Variants in SLA observed in about 807,000 individuals in gnomAD.
SLA encodes the protein src-like-adapter.
Under a neutral mutation model 30.3 loss-of-function variants are expected in SLA, and 16 were observed. The ratio of observed to expected loss-of-function variants is 0.53; its 90% CI spans 0.36 to 0.80. The LOEUF is 0.80. SLA is among the 30% of genes least tolerant of loss of function. The pLI is 0.01. For missense variants in SLA, 310 were observed against 345.2 expected, an observed-to-expected ratio of 0.90 and a Z score of 0.81; for synonymous variants, 143 against 137.8, an observed-to-expected ratio of 1.04 and a Z score of -0.26.
intron 8 of SLA, among the ~76,000 whole-genome samples, chr8:133,039,424 A>G (rs1837738299): frequency 6.6e-6 from 1 of 152,076 alleles, no homozygotes; most frequent in Non-Finnish European, 1.5e-5. Flanking sequence ...CATAATTTTG[A>G]TCCTGATTTT....
At chr8:133,051,347 C>A in intron 3 of SLA, among the ~76,000 whole-genome samples, 1 of 152,152 alleles carries the variant, frequency 6.6e-6, no homozygotes, top group South Asian at 2.1e-4. Context: ...GCTGTAAAAA[C>A]CCCCCTTCTC....
chr8:133,063,819 T>G (rs1433564067), intron 2 of SLA: 1 of 152,180 alleles, frequency 6.6e-6, no homozygotes, highest in Non-Finnish European at 1.5e-5. Context: ...GGAGTTAACT[T>G]ATCTGAAAGA....
intron 1 of SLA, among the ~76,000 whole-genome samples, chr8:133,085,483 A>G (rs1846379396): frequency 6.6e-6 from 1 of 152,246 alleles, no homozygotes; most frequent in South Asian, 2.1e-4. Context: ...CCAAGAAAAC[A>G]TAAAGAACAC....
At chr8:133,093,969 G>C (rs1407366483) in intron 1 of SLA, among the ~76,000 whole-genome samples, 1 of 152,202 alleles carries the variant, frequency 6.6e-6, no homozygotes, top group Non-Finnish European at 1.5e-5. Flanking sequence ...ATTTCCATCA[G>C]TGGCAGTAGC....
intron 2 of SLA, among the ~76,000 whole-genome samples, chr8:133,074,541 G>T (rs1207319929): frequency 6.6e-6 from 1 of 152,212 alleles, no homozygotes; most frequent in Admixed American, 6.5e-5. Flanking sequence ...TAGGAATTCT[G>T]ATGGCAAATC....
At chr8:133,095,102 C>A in intron 1 of SLA, 3 of 1,614,184 alleles carry the variant, frequency 1.9e-6, no homozygotes, top group Non-Finnish European at 2.5e-6. Flanking sequence ...CAGCAGCAGG[C>A]AATTGCTTTG....
chr8:133,087,061 A>G (rs1244340995), intron 1 of SLA, among the ~76,000 whole-genome samples: 2 of 146,450 alleles, frequency 1.4e-5, no homozygotes, highest in African/African-American at 5.1e-5. Flanking sequence ...AGATTTCCTG[A>G]ATATATGTTT....
At chr8:133,063,032 C>T (rs753348267) in intron 2 of SLA, among the ~76,000 whole-genome samples, 38 of 152,324 alleles carry the variant, frequency 2.5e-4, no homozygotes, top group Admixed American at 2.0e-3. Context: ...CTATCATCAC[C>T]GAGGCCTTTG....
At chr8:133,043,020 T>C (rs1457206972) in intron 7 of SLA, among the ~76,000 whole-genome samples, 1 of 151,918 alleles carries the variant, frequency 6.6e-6, no homozygotes, top group Non-Finnish European at 1.5e-5. Context: ...GTGAATCCAG[T>C]GGAGATAAAA....
chr8:133,080,826 G>A lies in SLA; in HGVS notation c.-318-5696C>T, dbSNP rs138965959. On this transcript the variant is annotated intron_variant, in intron 1 of 8. Coordinates refer to ENST00000338087, the MANE Select transcript of SLA (RefSeq NM_001045556.3). ...TGTGTGGATGCCTTTCCCCCTGCAA[G>A]GGCATGGGGCAGGTCCCTTCAGGCC... 4.6e-4 allele frequency among the ~76,000 whole-genome samples: 70 copies of A among 152,284 alleles called. 1 individual carries two copies. The highest frequency in any genetic ancestry group is 1.7e-3 in the African/African-American group (69 of 41,544).
At chr8:133,094,923 G>A (rs960626892) in intron 1 of SLA, 28 of 1,361,732 alleles carry the variant, frequency 2.1e-5, no homozygotes, top group Non-Finnish European at 2.9e-5. Flanking sequence ...CCCAGAATGG[G>A]TCCTGGGACT....
chr8:133,067,869 A>G (rs1354655960), intron 2 of SLA, among the ~76,000 whole-genome samples: 2 of 28,288 alleles, frequency 7.1e-5, no homozygotes, highest in East Asian at 2.1e-3. Flanking sequence ...AAAGAAAGAA[A>G]GGAAGGAAGG....
At chr8:133,079,411 C>A (rs1036720261) in intron 1 of SLA, among the ~76,000 whole-genome samples, 1 of 152,212 alleles carries the variant, frequency 6.6e-6, no homozygotes, top group Non-Finnish European at 1.5e-5. Context: ...GTGAAATGTT[C>A]CCCTATGTAA....
At chr8:133,100,748 C>G (rs2979020) in intron 1 of SLA, among the ~76,000 whole-genome samples, 47,896 of 152,064 alleles carry the variant, frequency 0.31, 8,197 homozygotes, top group African/African-American at 0.44. Flanking sequence ...GAAATGTACA[C>G]AAACCCAGCT....
rs137949847 is a variant in SLA at position 133,101,176 on chromosome 8, C to T, written c.-319+1377G>A. ...CTATCACCACCTTACCCCCACCATACGCAAGCATCACCTAGAGAGATCCTC... is the reference window on the plus strand; with the variant it reads ...CTATCACCACCTTACCCCCACCATATGCAAGCATCACCTAGAGAGATCCTC... On this transcript the variant is annotated intron_variant, in intron 1 of 8. Transcript: ENST00000338087. Among the ~76,000 whole-genome samples, 996 of 152,228 alleles carry T rather than the reference C, an allele frequency of 6.5e-3. 9 individuals carry two copies. The highest frequency in any genetic ancestry group is 0.022 in the African/African-American group (916 of 41,528).
At chr8:133,097,312 G>T (rs758107012) in intron 1 of SLA, among the ~76,000 whole-genome samples, 17 of 152,134 alleles carry the variant, frequency 1.1e-4, no homozygotes, top group Non-Finnish European at 2.5e-4. Context: ...AGCAATAAAA[G>T]CTCCAGTTTT....
At chr8:133,060,497 G>T (rs1351299235) in intron 2 of SLA, 1 of 811,930 alleles carries the variant, frequency 1.2e-6, no homozygotes, top group Non-Finnish European at 1.8e-6. Flanking sequence ...GCCACAGCAG[G>T]GTTTGTGTGA....
intron 1 of SLA, among the ~76,000 whole-genome samples, chr8:133,079,003 A>G (rs968755732): frequency 1.3e-5 from 2 of 152,220 alleles, no homozygotes; most frequent in Non-Finnish European, 2.9e-5. Flanking sequence ...GGTTTCACAC[A>G]GGAACTTCAT....
chr8:133,040,589 G>T (rs1176073411), intron 7 of SLA, among the ~76,000 whole-genome samples: 1 of 152,104 alleles, frequency 6.6e-6, no homozygotes, highest in East Asian at 1.9e-4. Context: ...ATACAGCGCT[G>T]ATCCCCCCAG....
Sources: allele counts gnomAD v4.1 joint callset (sites outside exome capture counted in the v4.1 genomes callset), GRCh38; gene constraint gnomAD v4.1.1; transcripts MANE v1.5; gene names NCBI Gene and HGNC (gene_info 2026-07-23, HGNC 2026-07-21).